FOCAD: variants seen among roughly 807,000 people sequenced by gnomAD.
FOCAD encodes the protein focadhesin, also known as KIAA1797.
Under a neutral mutation model 225.6 loss-of-function variants are expected in FOCAD, and 198 were observed. The observed-to-expected ratio is 0.88, with a 90% confidence interval of 0.78 to 0.99. FOCAD has a LOEUF of 0.99. FOCAD is among the 50% of genes least tolerant of loss of function. The pLI is 0.00. For synonymous variants in FOCAD, 897 were observed against 755.0 expected (o/e 1.19, Z -3.08); for missense variants, 2,713 against 2,123.6 (o/e 1.28, Z -5.46).
intron 5 of FOCAD, among the ~76,000 whole-genome samples, chr9:20,749,019 G>A (rs1828308380): frequency 6.6e-6 from 1 of 152,038 alleles, no homozygotes; most frequent in African/African-American, 2.4e-5. Context: ...TTGTCTCTAG[G>A]TGTTTTTTTT....
Position 20,720,534 on chromosome 9 carries a change from G to C in FOCAD, c.287G>C (p.Arg96Thr). Residue 96 changes from arginine to threonine, a missense_variant and splice_region_variant, in exon 4 of 44, where the codon AGA becomes ACA. Arg to Thr is a moderately conservative substitution (Grantham distance 71). Coordinates refer to ENST00000338382, the MANE Select transcript of FOCAD (RefSeq NM_001375567.1). ...ATACTCAACTTGATTCCATCAACCAGGTACTTTTTCCTCAGTGTTTGGTCA... is the reference window on the plus strand; with the variant it reads ...ATACTCAACTTGATTCCATCAACCACGTACTTTTTCCTCAGTGTTTGGTCA... ...NGILNLIPST[R>T]NTHGLIKAIM... 6.2e-7 allele frequency: 1 copy of C among 1,613,162 alleles called. No homozygotes were observed. The highest frequency in any genetic ancestry group is 8.5e-7 in the Non-Finnish European group (1 of 1,179,672).
At chr9:20,961,189 CCCT>C (rs1838689776) in intron 35 of FOCAD, among the ~76,000 whole-genome samples, 1 of 151,812 alleles carries the variant, frequency 6.6e-6, no homozygotes, top group Non-Finnish European at 1.5e-5. Context: ...CTCTCCGCTC[CCCT>C]CCTCTTCTCT....
At chr9:20,812,659 A>G (rs1823216457) in intron 11 of FOCAD, among the ~76,000 whole-genome samples, 1 of 151,988 alleles carries the variant, frequency 6.6e-6, no homozygotes, top group Admixed American at 6.6e-5. Flanking sequence ...TCTGTTATAG[A>G]TGGCTTGGAA....
chr9:20,827,689 G>T (rs979622501), intron 15 of FOCAD, among the ~76,000 whole-genome samples: 1 of 151,808 alleles, frequency 6.6e-6, no homozygotes, highest in Non-Finnish European at 1.5e-5. Context: ...TAAAAATAAA[G>T]AAAGAGCTCC....
chr9:20,970,016 G>A (rs6415734), intron 35 of FOCAD, among the ~76,000 whole-genome samples: 106,592 of 150,026 alleles, frequency 0.71, 38,399 homozygotes, highest in East Asian at 0.9. Context: ...TTCAGTAAAA[G>A]GTGTTATCCT....
In FOCAD at chr9:20,981,562, T is replaced by C; in HGVS notation, c.4514T>C (p.Leu1505Pro). 6.2e-7 allele frequency: 1 copy of C among 1,614,106 alleles called. No individual in the cohort carries two copies. The highest frequency in any genetic ancestry group is 8.5e-7 in the Non-Finnish European group (1 of 1,180,004). ...KAASPLGSPELCPSALHGLSQ... is the reference protein window; with the variant it reads ...KAASPLGSPEPCPSALHGLSQ... ...GCTTCCCCACTTGGAAGTCCTGAGC[T>C]ATGCCCAAGTGCTTTACACGGTCTG... The change falls in exon 38 of 44, where the codon CTA becomes CCA. Residue 1505 changes from leucine (L) to proline (P), a missense_variant. Transcript: ENST00000338382.
upstream of FOCAD, among the ~76,000 whole-genome samples, chr9:20,657,137 C>CGA (rs1327176581): frequency 3.9e-5 from 6 of 152,044 alleles, no homozygotes; most frequent in Admixed American, 3.9e-4. Flanking sequence ...GGGTTTCTGC[C>CGA]GAGAGATCCG....
intron 11 of FOCAD, among the ~76,000 whole-genome samples, chr9:20,797,755 A>G (rs1250359767): frequency 2.6e-5 from 4 of 152,164 alleles, no homozygotes; most frequent in East Asian, 3.9e-4. Context: ...GGCTGAGACG[A>G]TGGGGTTTTC....
chr9:20,899,940 C>G (rs981346575), intron 21 of FOCAD, among the ~76,000 whole-genome samples: 2 of 151,784 alleles, frequency 1.3e-5, no homozygotes, highest in African/African-American at 2.4e-5. Context: ...CTGAAGTGGC[C>G]TCTCTCTCTG....
chr9:20,957,710 G>A (rs1391950265), intron 35 of FOCAD: 4 of 67,614 alleles, frequency 5.9e-5, no homozygotes, highest in African/African-American at 1.1e-4. Context: ...TTTTAGTGGG[G>A]TTTTTCTATG....
chr9:20,852,442 C>T (rs1318569038), intron 15 of FOCAD, among the ~76,000 whole-genome samples: 1 of 150,020 alleles, frequency 6.7e-6, no homozygotes, highest in Non-Finnish European at 1.5e-5. Context: ...TTCATCAGTT[C>T]TGTTATCCCC....
At chr9:20,812,983 C>A (rs908558674) in intron 11 of FOCAD, among the ~76,000 whole-genome samples, 4 of 151,938 alleles carry the variant, frequency 2.6e-5, no homozygotes. Flanking sequence ...TTTTATTTTG[C>A]ATGACTGAAA....
chr9:20,913,445 A>C (rs1411074846), intron 23 of FOCAD, among the ~76,000 whole-genome samples: 1 of 152,098 alleles, frequency 6.6e-6, no homozygotes, highest in Admixed American at 6.6e-5. Flanking sequence ...TATATCATCT[A>C]GAAATATATT....
At chr9:20,805,676 T>C (rs1822356731) in intron 11 of FOCAD, among the ~76,000 whole-genome samples, 1 of 152,196 alleles carries the variant, frequency 6.6e-6, no homozygotes, top group Non-Finnish European at 1.5e-5. Context: ...ATATAAATTC[T>C]GTTAGATTTC....
chr9:20,821,071 G>C lies in FOCAD; in HGVS notation c.1793G>C (p.Arg598Thr). 6.2e-7 allele frequency: 1 copy of C among 1,611,310 alleles called. No homozygotes were observed. Among genetic ancestry groups the C allele is most frequent in the South Asian group, 1.1e-5 (1 of 90,902 alleles). ...TCAATCAGAGATATATGTAAGCAGA[G>C]GTATGATGTCATTAACTCTTAGGAA... ...AASIRDICKQ[R>T]PYQHGADMLA... Residue 598 changes from arginine (R) to threonine (T), a missense_variant and splice_region_variant, in exon 14 of 44, where the codon AGG (arginine) becomes ACG (threonine). Transcript: ENST00000338382.
chr9:20,796,338 G>A (rs1434951861), intron 11 of FOCAD, among the ~76,000 whole-genome samples: 1 of 152,160 alleles, frequency 6.6e-6, no homozygotes, highest in Non-Finnish European at 1.5e-5. Context: ...CCAGTAATGG[G>A]ATTGCTGGGT....
chr9:20,692,111 C>T (rs1823014846), intron 1 of FOCAD, among the ~76,000 whole-genome samples: 1 of 152,126 alleles, frequency 6.6e-6, no homozygotes, highest in Admixed American at 6.5e-5. Context: ...TTTTCAGCCT[C>T]GCCTTCCCTT....
intron 4 of FOCAD, among the ~76,000 whole-genome samples, chr9:20,723,109 G>C (rs1326226078): frequency 1.3e-5 from 2 of 152,192 alleles, no homozygotes; most frequent in East Asian, 3.8e-4. Context: ...AAATTGCAAA[G>C]TATAAGCTTT....
At chr9:20,780,356 A>G (rs760099325) in intron 9 of FOCAD, among the ~76,000 whole-genome samples, 3 of 152,238 alleles carry the variant, frequency 2.0e-5, no homozygotes, top group Admixed American at 2.0e-4. Context: ...TTCTGAAGCT[A>G]TGTTCTTATA....
Sources: gnomAD v4.1 joint callset for allele counts (sites outside exome capture counted in the v4.1 genomes callset) on GRCh38, gnomAD v4.1.1 for gene constraint, MANE v1.5 for transcripts, NCBI Gene and HGNC (gene_info 2026-07-23, HGNC 2026-07-21) for gene names.